EZH2: variants seen among roughly 807,000 people sequenced by gnomAD.
EZH2 encodes enhancer of zeste 2 polycomb repressive complex 2 subunit.
Under a neutral mutation model 98.4 loss-of-function variants are expected in EZH2, and 18 were observed. The ratio of observed to expected loss-of-function variants is 0.18; its 90% CI spans 0.13 to 0.27. EZH2 has a LOEUF of 0.27. Among genes scored for constraint, EZH2 ranks in the 10% least tolerant of loss-of-function variants. The probability of loss-of-function intolerance (pLI) is 1.00; values close to 1 mark genes in which losing one functional copy is unlikely to be tolerated. For synonymous variants in EZH2, 338 were observed against 312.3 expected (o/e 1.08, Z -0.87); for missense variants, 470 against 935.1 (o/e 0.50, Z 6.49).
intron 1 of EZH2, among the ~76,000 whole-genome samples, chr7:148,869,858 G>A (rs920254968): frequency 9.0e-5 from 13 of 144,864 alleles, no homozygotes; most frequent in Non-Finnish European, 1.9e-4. Flanking sequence ...CTAGTATAAT[G>A]GCAGAGCCTC....
At chr7:148,881,166 T>C (rs946058276) in intron 1 of EZH2, among the ~76,000 whole-genome samples, 1 of 152,256 alleles carries the variant, frequency 6.6e-6, no homozygotes, top group African/African-American at 2.4e-5. Flanking sequence ...CCATAAATCA[T>C]TGCTAATTAA....
At chr7:148,851,485 C>A (rs944208274) in intron 1 of EZH2, among the ~76,000 whole-genome samples, 1 of 152,150 alleles carries the variant, frequency 6.6e-6, no homozygotes, top group African/African-American at 2.4e-5. Context: ...CTCCTTCCCC[C>A]ACAACAAACG....
chr7:148,873,047 G>A lies in EZH2; in HGVS notation c.-8+11117C>T, dbSNP rs375554420. On this transcript the variant is annotated intron_variant, in intron 1 of 19. Coordinates refer to ENST00000320356, the MANE Select transcript of EZH2 (RefSeq NM_004456.5). Reference sequence around the variant, plus strand: ...AAATGTAAAAAATTAGCCAGACATCGTGTCTCACGTCTATAGTCCTAGCTA... The same window carrying A: ...AAATGTAAAAAATTAGCCAGACATCATGTCTCACGTCTATAGTCCTAGCTA... Among the ~76,000 whole-genome samples, 35 of 152,210 alleles carry A rather than the reference G, an allele frequency of 2.3e-4. 1 individual carries two copies. Among genetic ancestry groups the A allele is most frequent in the Middle Eastern group, 6.8e-3 (2 of 294 alleles).
intron 3 of EZH2, among the ~76,000 whole-genome samples, chr7:148,834,042 T>C (rs182500272): frequency 6.6e-6 from 1 of 152,150 alleles, no homozygotes; most frequent in East Asian, 1.9e-4. Context: ...TGCTGCCAAC[T>C]AAACAAAGGT....
chr7:148,871,577 C>CTTTTTTTTTTTTTTTTTTT (rs376098406), intron 1 of EZH2, among the ~76,000 whole-genome samples: 19 of 135,238 alleles, frequency 1.4e-4, no homozygotes, highest in African/African-American at 5.3e-4. Flanking sequence ...AGTGTATTTT[C>CTTTTTTTTTTTTTTTTTTT]TTTTTTTTTT....
chr7:148,817,453 T>C, intron 10 of EZH2, 62 bp from the exon 11 acceptor site: 1 of 1,530,928 alleles, frequency 6.5e-7, no homozygotes, highest in Non-Finnish European at 8.9e-7. Flanking sequence ...AGAAGTACAA[T>C]TCAGGGTGTG....
intron 8 of EZH2, among the ~76,000 whole-genome samples, chr7:148,824,555 G>A (rs138894435): frequency 5.3e-5 from 8 of 152,194 alleles, no homozygotes; most frequent in Non-Finnish European, 1.2e-4. Flanking sequence ...TGTGTCATGC[G>A]CTGTACCATC....
intron 1 of EZH2, among the ~76,000 whole-genome samples, chr7:148,868,874 T>C (rs757617792): frequency 1.3e-5 from 2 of 152,164 alleles, no homozygotes; most frequent in Non-Finnish European, 2.9e-5. Context: ...AAAATGTGTA[T>C]AGTACAGCTG....
chr7:148,850,365 T>C (rs1317806517), intron 1 of EZH2: 1 of 360,586 alleles, frequency 2.8e-6, no homozygotes, highest in Non-Finnish European at 3.9e-6. Context: ...ATGAAGACAT[T>C]AGTTAGCATT....
intron 3 of EZH2, among the ~76,000 whole-genome samples, chr7:148,843,583 GTTTTTTTTTT>G (rs1157236882): frequency 4.7e-5 from 3 of 64,308 alleles, no homozygotes; most frequent in African/African-American, 7.1e-5. Flanking sequence ...GGGAGTATAA[GTTTTTTTTTT>G]TTTTTTTTTT....
rs2129469858 is a variant in EZH2, at chr7:148,814,122, G to A, written c.1688C>T (p.Pro563Leu). The change falls in exon 15 of 20, where the codon CCG (proline) becomes CTG (leucine). Residue 563 changes from proline (P) to leucine (L), a missense_variant. Around this residue, in one of 6 missense-constraint regions of EZH2, gnomAD observed 106 missense variants for 327.2 expected, o/e 0.32. Transcript: ENST00000320356. ...QCSSECQNRF[P>L]GCRCKAQCNT... ...GCACTGTGCTTTGCAGCGGCATCCC[G>A]GAAAGCGGTTTTGACCTTCAGAGAG... The A allele has an allele frequency of 6.2e-7, 1 of 1,613,062 alleles. No individual in the cohort carries two copies. Among genetic ancestry groups the A allele is most frequent in the Non-Finnish European group, 8.5e-7 (1 of 1,179,682 alleles).
chr7:148,848,286 G>A (rs1212347496), intron 1 of EZH2, among the ~76,000 whole-genome samples: 4 of 152,186 alleles, frequency 2.6e-5, no homozygotes, highest in Non-Finnish European at 5.9e-5. Context: ...GTTAGATGAT[G>A]CTGCAGCACA....
intron 1 of EZH2, among the ~76,000 whole-genome samples, chr7:148,859,652 C>T (rs891006945): frequency 3.9e-5 from 6 of 152,142 alleles, no homozygotes; most frequent in Non-Finnish European, 7.4e-5. Context: ...GTACTCAGAG[C>T]CCCAGCTGTG....
At chr7:148,878,004 A>C (rs1249256097) in intron 1 of EZH2, among the ~76,000 whole-genome samples, 1 of 152,182 alleles carries the variant, frequency 6.6e-6, no homozygotes, top group Non-Finnish European at 1.5e-5. Context: ...TCCCCTGTAG[A>C]CAGTTTTCTT....
At chr7:148,811,928 G>C (rs1803195925) in intron 15 of EZH2, 2 of 516,818 alleles carry the variant, frequency 3.9e-6, no homozygotes, top group Non-Finnish European at 3.5e-6. Flanking sequence ...CAGCAGATAA[G>C]AATCTCTGTC....
chr7:148,883,356 C>G (rs1161205159), intron 1 of EZH2: 3 of 152,248 alleles, frequency 2.0e-5, no homozygotes, highest in Non-Finnish European at 4.4e-5. Context: ...CAATAGAGAG[C>G]AGAGCAGCTC....
intron 13 of EZH2, 143 bp from the exon 14 acceptor site, chr7:148,815,182 C>A: frequency 8.8e-7 from 1 of 1,132,786 alleles, no homozygotes. Context: ...TACACATATT[C>A]CGGTTTCCAC....
chr7:148,816,732 G>A lies in EZH2; in HGVS notation c.1457C>T (p.Pro486Leu), dbSNP rs2129471141. ...TGGAGGAGTATCCACATCCTCAGCG[G>A]GAGCTGGAGCTATGATGCTAGATTC... ...VKESSIIAPA[P>L]AEDVDTPPRK... Residue 486 changes from proline (P) to leucine (L), a missense_variant, in exon 12 of 20, where the codon CCC (proline) becomes CTC (leucine). Around this residue, in one of 6 missense-constraint regions of EZH2, gnomAD observed 192 missense variants for 306.8 expected, o/e 0.63. Coordinates refer to ENST00000320356, the MANE Select transcript of EZH2 (RefSeq NM_004456.5). 1.2e-6 allele frequency: 2 copies of A among 1,614,112 alleles called. No homozygotes were observed. Among genetic ancestry groups the A allele is most frequent in the Non-Finnish European group, 1.7e-6 (2 of 1,179,980 alleles).
chr7:148,880,131 T>G (rs1412252430), intron 1 of EZH2, among the ~76,000 whole-genome samples: 1 of 152,154 alleles, frequency 6.6e-6, no homozygotes, highest in Non-Finnish European at 1.5e-5. Context: ...CCACATAATC[T>G]AAACACAAAT....
Sources: allele counts gnomAD v4.1 joint callset (sites outside exome capture counted in the v4.1 genomes callset), GRCh38; gene constraint gnomAD v4.1.1; regional missense constraint gnomAD v4.1.1; transcripts MANE v1.5; gene names NCBI Gene and HGNC (gene_info 2026-07-23, HGNC 2026-07-21).